The following AAK1 variants were observed in gnomAD, a reference collection of about 807,000 sequenced individuals.
The protein encoded by AAK1 is AP2-associated protein kinase 1.
In AAK1, 37 loss-of-function variants were observed where a neutral mutation model predicts 116.0. The observed-to-expected ratio is 0.32, with a 90% CI of 0.25 to 0.42. AAK1 has a LOEUF of 0.42. Ranked by LOEUF, AAK1 falls within the 10% of genes least tolerant of loss-of-function variation. AAK1 has a pLI of 1.00. For synonymous variants in AAK1, 458 were observed against 439.9 expected (o/e 1.04, Z -0.51); for missense variants, 919 against 1,170.6 (o/e 0.79, Z 3.14).
chr2:69,475,104 T>C lies in AAK1; in HGVS notation c.*765A>G, dbSNP rs922625850. 2.0e-6 allele frequency: 2 copies of C among 985,690 alleles called. No individual in the cohort carries two copies. The highest frequency in any genetic ancestry group is 1.2e-4 in the Admixed American group (2 of 16,270). The allele number at this position is 985,690 out of a possible 1,614,324, so 61.1% of individuals were successfully genotyped here. Reference sequence around the variant, plus strand: ...GGAATGGCAATACTTGGGATTTATATAACGTACACATTGTATCCAAGGATC... The same window carrying C: ...GGAATGGCAATACTTGGGATTTATACAACGTACACATTGTATCCAAGGATC... On this transcript the variant is annotated 3_prime_UTR_variant, in exon 22 of 22. Coordinates refer to ENST00000409085, the MANE Select transcript of AAK1 (RefSeq NM_014911.5).
intron 13 of AAK1, among the ~76,000 whole-genome samples, chr2:69,513,325 CTT>C (rs374957512): frequency 6.9e-6 from 1 of 145,764 alleles, no homozygotes. Context: ...AAGATGGTTT[CTT>C]TTTTTTTTTT....
At chr2:69,527,890 AG>A (rs896207070) in intron 8 of AAK1, among the ~76,000 whole-genome samples, 6 of 152,158 alleles carry the variant, frequency 3.9e-5, no homozygotes, top group African/African-American at 1.4e-4. Context: ...AAAAATCCTC[AG>A]GGGGAAAAAA....
rs1670188919 is a variant in AAK1 at position 69,530,030 on chromosome 2, A to G, written c.849T>C (p.Ser283=). The G allele has an allele frequency of 3.1e-6, 5 of 1,597,420 alleles. No individual in the cohort carries two copies. Among genetic ancestry groups the G allele is most frequent in the Non-Finnish European group, 4.3e-6 (5 of 1,172,122 alleles). The change falls in exon 8 of 22, where the codon TCT becomes TCC. Residue 283 remains serine, a synonymous_variant. Transcript: ENST00000409085. Reference sequence around the variant, plus strand: ...TACTAATTAGGCAGTGCATGTCTTGAGAATATCGAGAATTATCAGGAATTG... The same window carrying G: ...TACTAATTAGGCAGTGCATGTCTTGGGAATATCGAGAATTATCAGGAATTG... ...NFTIPDNSRY[S]QDMHCLIRYM...
Position 69,471,432 on chromosome 2 carries a change from T to TA in AAK1, c.*4436dup, listed in dbSNP as rs1476973994. 1.0e-6 allele frequency: 1 copy of TA among 985,352 alleles called. No homozygotes were observed. Among genetic ancestry groups the TA allele is most frequent in the African/African-American group, 1.7e-5 (1 of 57,262 alleles). 61.0% of individuals were successfully genotyped at this position (985,352 alleles called of 1,614,324 possible). ...AAAGAAAAGGCTGACTTTGTGTTGA[T>TA]AAAATTATAGCCTTTAGAGAGGAAT... On this transcript the variant is annotated 3_prime_UTR_variant, in exon 22 of 22. Transcript: ENST00000409085.
rs190075421 is a variant in AAK1, at chr2:69,461,401, T to C, written c.*14468A>G. ...GGGCATGACTGTATTTTTTTTTCTC[T>C]TTAAGGAAATAAGACCCTACTGTAA... On this transcript the variant is annotated 3_prime_UTR_variant, in exon 22 of 22. Transcript: ENST00000409085. 4.0e-3 allele frequency: 918 copies of C among 227,368 alleles called. 13 individuals carry two copies. The highest frequency in any genetic ancestry group is 0.012 in the Admixed American group (203 of 16,792). The allele number at this position is 227,368 out of a possible 1,614,324, so 14.1% of individuals were successfully genotyped here.
In AAK1 at chr2:69,471,891, A is replaced by T; in HGVS notation, c.*3978T>A. On this transcript the variant is annotated 3_prime_UTR_variant, in exon 22 of 22. Transcript: ENST00000409085. Reference sequence around the variant, plus strand: ...AGGAAATAAGTAATCAAAACAACCAAAAGTATTAATAATAAAACAAATATT... The same window carrying T: ...AGGAAATAAGTAATCAAAACAACCATAAGTATTAATAATAAAACAAATATT... 8 of 985,202 alleles carry T rather than the reference A, an allele frequency of 8.1e-6. No homozygotes were observed. The highest frequency in any genetic ancestry group is 9.6e-6 in the Non-Finnish European group (8 of 829,720). The allele number at this position is 985,202 out of a possible 1,614,324, so 61.0% of individuals were successfully genotyped here.
Position 69,467,944 on chromosome 2 carries a change from T to C in AAK1, c.*7925A>G. 1 of 985,454 alleles carries C rather than the reference T, an allele frequency of 1.0e-6. No individual in the cohort carries two copies. Among genetic ancestry groups the C allele is most frequent in the Non-Finnish European group, 1.2e-6 (1 of 829,934 alleles). 61.0% of individuals were successfully genotyped at this position (985,454 alleles called of 1,614,324 possible). Reference sequence around the variant, plus strand: ...TTTAGCAGTGCTTCTTTTTAAACAGTTCTGACCTTAAATATTGTTTTCAGA... The same window carrying C: ...TTTAGCAGTGCTTCTTTTTAAACAGCTCTGACCTTAAATATTGTTTTCAGA... On this transcript the variant is annotated 3_prime_UTR_variant, in exon 22 of 22. Coordinates refer to ENST00000409085, the MANE Select transcript of AAK1 (RefSeq NM_014911.5).
intron 3 of AAK1, among the ~76,000 whole-genome samples, chr2:69,548,872 G>T (rs930783880): frequency 6.6e-6 from 1 of 152,034 alleles, no homozygotes; most frequent in Non-Finnish European, 1.5e-5. Flanking sequence ...CAAAGTGCTG[G>T]TACTACAAGC....
Position 69,458,945 on chromosome 2 carries a change from A to G in AAK1, c.*16924T>C, listed in dbSNP as rs529760556. ...ATATAGTTCCATTATAATGCAATGC[A>G]GGTAACACTAACTTGATTTCAAGAA... On this transcript the variant is annotated 3_prime_UTR_variant, in exon 22 of 22. Transcript: ENST00000409085. 3.3e-5 allele frequency: 5 copies of G among 152,486 alleles called. No individual in the cohort carries two copies. Among genetic ancestry groups the G allele is most frequent in the African/African-American group, 1.2e-4 (5 of 41,586 alleles). The allele number at this position is 152,486 out of a possible 1,614,324, so 9.4% of individuals were successfully genotyped here.
At chr2:69,555,463 T>C (rs966888007) in intron 3 of AAK1, among the ~76,000 whole-genome samples, 2 of 152,186 alleles carry the variant, frequency 1.3e-5, no homozygotes, top group Non-Finnish European at 2.9e-5. Context: ...AAAGGCCACA[T>C]AGGGTGAACA....
chr2:69,508,985 A>C (rs565018099), intron 14 of AAK1, among the ~76,000 whole-genome samples: 144 of 152,256 alleles, frequency 9.5e-4, no homozygotes, highest in Non-Finnish European at 1.8e-3. Flanking sequence ...AAGTAGGAAA[A>C]GATTTCTTAA....
In AAK1 at chr2:69,530,675, T is replaced by C. The variant is rs756829817; in HGVS notation, c.688A>G (p.Met230Val). The C allele has an allele frequency of 2.5e-6, 4 of 1,613,786 alleles. No individual in the cohort carries two copies. Among genetic ancestry groups the C allele is most frequent in the Non-Finnish European group, 1.7e-6 (2 of 1,179,710 alleles). The change falls in exon 7 of 22, where the codon ATG becomes GTG. Residue 230 changes from methionine to valine, a missense_variant. Physicochemically the swap from Met to Val is conservative, Grantham distance 21. Around this residue, in one of 4 missense-constraint regions of AAK1, gnomAD observed 317 missense variants for 490.4 expected, o/e 0.65. Coordinates refer to ENST00000409085, the MANE Select transcript of AAK1 (RefSeq NM_014911.5). ...ATTTTGCCACTGTACAGGTTGACCA[T>C]TTCTGGTGCTCGATAGGACAGCGTT... ...YTTLSYRAPE[M>V]VNLYSGKIIT...
intron 17 of AAK1, among the ~76,000 whole-genome samples, chr2:69,491,028 C>T (rs1003906472): frequency 2.0e-5 from 3 of 151,962 alleles, no homozygotes; most frequent in Non-Finnish European, 4.4e-5. Context: ...GCCTCAAACT[C>T]CTGGGCTCAA....
chr2:69,591,829 A>G (rs1572987339), intron 2 of AAK1, among the ~76,000 whole-genome samples: 5 of 152,250 alleles, frequency 3.3e-5, no homozygotes, highest in Admixed American at 2.6e-4. Context: ...TCAGCCTCCC[A>G]AAGTGCTGGG....
At chr2:69,624,864 T>G (rs1338547920) in intron 2 of AAK1, among the ~76,000 whole-genome samples, 3 of 152,076 alleles carry the variant, frequency 2.0e-5, no homozygotes, top group Non-Finnish European at 4.4e-5. Context: ...TAACAGTGCC[T>G]AGAACAATGC....
intron 2 of AAK1, among the ~76,000 whole-genome samples, chr2:69,593,913 A>G (rs1427198496): frequency 2.6e-5 from 4 of 152,196 alleles, no homozygotes; most frequent in Non-Finnish European, 5.9e-5. Context: ...CAGCTTTAAC[A>G]TTTCTGTCTT....
chr2:69,468,218 T>C lies in AAK1; in HGVS notation c.*7651A>G, dbSNP rs1364715155. On this transcript the variant is annotated 3_prime_UTR_variant, in exon 22 of 22. Coordinates refer to ENST00000409085, the MANE Select transcript of AAK1 (RefSeq NM_014911.5). ...GACAGGAAATAAACAGAATACCTTC[T>C]TCCTTGCGATTTATGTGGACAGACA... is the stretch of plus-strand genomic sequence containing the variant. The C allele has an allele frequency of 2.0e-6, 2 of 985,354 alleles. No homozygotes were observed. Among genetic ancestry groups the C allele is most frequent in the African/African-American group, 1.7e-5 (1 of 57,250 alleles). The allele number at this position is 985,354 out of a possible 1,614,324, so 61.0% of individuals were successfully genotyped here. A position where few individuals can be genotyped will look rare whatever the true frequency, so the allele number is the denominator to read the frequency against.
chr2:69,610,697 T>C (rs1374295530), intron 2 of AAK1, among the ~76,000 whole-genome samples: 8 of 152,210 alleles, frequency 5.3e-5, no homozygotes, highest in Admixed American at 3.9e-4. Context: ...GGACTATTAA[T>C]AGACATTTCT....
chr2:69,587,391 G>GTGTATATATACACATA (rs1672827496), intron 2 of AAK1, among the ~76,000 whole-genome samples: 1 of 146,014 alleles, frequency 6.8e-6, no homozygotes, highest in East Asian at 2.0e-4. Flanking sequence ...ATACACACAC[G>GTGTATATATACACATA]TGTGTACATA....
Sources: gnomAD v4.1 joint callset for allele counts (sites outside exome capture counted in the v4.1 genomes callset) on GRCh38, gnomAD v4.1.1 for gene constraint, gnomAD v4.1.1 regional missense constraint, MANE v1.5 for transcripts, NCBI Gene and HGNC (gene_info 2026-07-23, HGNC 2026-07-21) for gene names.